Variants in BTAF1 observed in about 807,000 individuals in gnomAD.
The protein encoded by BTAF1 is TATA-binding protein-associated factor 172.
In BTAF1, 38 loss-of-function variants were observed where a neutral mutation model predicts 227.1. That is an observed-to-expected ratio of 0.17 (90% CI 0.13 to 0.22). The LOEUF is 0.22. Among genes scored for constraint, BTAF1 ranks in the 10% least tolerant of loss-of-function variants. BTAF1 has a pLI of 1.00. For missense variants in BTAF1, 1,598 were observed against 2,204.0 expected (o/e 0.73, Z 5.51); for synonymous variants, 742 against 751.9 (o/e 0.99, Z 0.21).
chr10:91,993,833 A>G lies in BTAF1; in HGVS notation c.3185A>G (p.Asp1062Gly). The change falls in exon 22 of 38, where the codon GAC becomes GGC. Residue 1062 changes from aspartate (D) to glycine (G), a missense_variant. By Grantham distance (94) the Asp-to-Gly change is moderately conservative. Transcript: ENST00000265990. ...AMVGPLRNTI[D>G]INNFDGKSLL... is the part of the protein sequence containing the mutation. ...GTTGGCCCATTGAGGAATACAATCG[A>G]CATAAATAATTTTGGTATACACATA... 1 of 1,594,484 alleles carries G rather than the reference A, an allele frequency of 6.3e-7. No homozygotes were observed.
intron 4 of BTAF1, among the ~76,000 whole-genome samples, chr10:91,943,262 C>T (rs1406483940): frequency 4.0e-5 from 6 of 151,652 alleles, no homozygotes; most frequent in African/African-American, 9.7e-5. Flanking sequence ...TGCAGTGAGC[C>T]GAGATCACAC....
intron 5 of BTAF1, among the ~76,000 whole-genome samples, chr10:91,952,458 C>G (rs191628350): frequency 7.2e-4 from 109 of 152,278 alleles, no homozygotes; most frequent in African/African-American, 2.5e-3. Context: ...TATTACATCT[C>G]AAGCGGTTCA....
chr10:91,946,075 T>G (rs11186761), intron 4 of BTAF1, among the ~76,000 whole-genome samples: 41,626 of 152,182 alleles, frequency 0.27, 6,955 homozygotes, highest in Non-Finnish European at 0.38. Flanking sequence ...TTGATGGACA[T>G]TTGGGTTGTT....
chr10:92,018,694 A>G, intron 33 of BTAF1, 89 bp from the exon 34 acceptor site: 1 of 1,223,218 alleles, frequency 8.2e-7, no homozygotes, highest in Non-Finnish European at 1.1e-6. Context: ...TCTAAACAGC[A>G]TAGGAAATAG....
intron 23 of BTAF1, 93 bp downstream of exon 23, chr10:91,994,737 A>G (rs1367546264): frequency 6.9e-6 from 7 of 1,009,634 alleles, no homozygotes; most frequent in Non-Finnish European, 1.0e-5. Flanking sequence ...CTTTGATGTC[A>G]TCCTTATTAA....
intron 35 of BTAF1, among the ~76,000 whole-genome samples, chr10:92,025,302 T>TA (rs1851420364): frequency 6.6e-6 from 1 of 152,116 alleles, no homozygotes; most frequent in African/African-American, 2.4e-5. Flanking sequence ...GTGGCTTAGC[T>TA]AAAATCTCCA....
At chr10:92,000,756 G>A (rs1236712227) in intron 25 of BTAF1, among the ~76,000 whole-genome samples, 1 of 152,172 alleles carries the variant, frequency 6.6e-6, no homozygotes, top group Non-Finnish European at 1.5e-5. Flanking sequence ...GTTTCACCAT[G>A]TTGGCCAGGC....
chr10:91,939,425 C>T (rs1844849283), intron 2 of BTAF1, among the ~76,000 whole-genome samples: 1 of 152,122 alleles, frequency 6.6e-6, no homozygotes, highest in Non-Finnish European at 1.5e-5. Context: ...TGCACTTAAA[C>T]ATTCTTTTAT....
intron 34 of BTAF1, among the ~76,000 whole-genome samples, 163 bp from the exon 35 acceptor site, chr10:92,024,593 T>C (rs951489936): frequency 9.9e-5 from 15 of 152,106 alleles, no homozygotes; most frequent in Non-Finnish European, 1.5e-5. Flanking sequence ...AAAAACTAGT[T>C]CAGTGTGCTG....
In BTAF1 at chr10:91,948,534, G is replaced by A. The variant is rs187673019; in HGVS notation, c.401-2869G>A. Among the ~76,000 whole-genome samples the A allele has an allele frequency of 3.7e-3, 556 of 150,260 alleles. 2 individuals are homozygous for A. Among genetic ancestry groups the A allele is most frequent in the Non-Finnish European group, 4.3e-3 (291 of 67,574 alleles). ...TAGGACCACAGGCACGTGCCACCACGCCTGGCTAATTTTTTATTTTTTTTT... is the reference window on the plus strand; with the variant it reads ...TAGGACCACAGGCACGTGCCACCACACCTGGCTAATTTTTTATTTTTTTTT... On this transcript the variant is annotated intron_variant, in intron 4 of 37. Transcript: ENST00000265990.
In BTAF1 at chr10:92,029,683, TATATA is replaced by T. The variant is rs957658086; in HGVS notation, c.*756_*760del. 21 of 152,124 alleles carry T rather than the reference TATATA, an allele frequency of 1.4e-4. No individual in the cohort carries two copies. The highest frequency in any genetic ancestry group is 4.1e-4 in the South Asian group (2 of 4,824). 9.4% of individuals were successfully genotyped at this position (152,124 alleles called of 1,614,324 possible). On this transcript the variant is annotated 3_prime_UTR_variant, in exon 38 of 38. Transcript: ENST00000265990. ...ATGTACTCAATAGGTTTCAATCATATATATAATATATTTTTTGTAACTATGAACAT... is the reference window on the plus strand; with the variant it reads ...ATGTACTCAATAGGTTTCAATCATATATATATTTTTTGTAACTATGAACAT...
At chr10:91,946,593 C>T (rs1334937175) in intron 4 of BTAF1, among the ~76,000 whole-genome samples, 1 of 152,094 alleles carries the variant, frequency 6.6e-6, no homozygotes, top group Non-Finnish European at 1.5e-5. Flanking sequence ...TTGATTATAG[C>T]TGTACTAATG....
intron 5 of BTAF1, among the ~76,000 whole-genome samples, chr10:91,953,048 T>C (rs1210547186): frequency 6.6e-6 from 1 of 152,164 alleles, no homozygotes; most frequent in Non-Finnish European, 1.5e-5. Context: ...TTGCCATAGG[T>C]CATTACAGCT....
chr10:91,948,631 C>G (rs1845551845), intron 4 of BTAF1, among the ~76,000 whole-genome samples: 1 of 151,496 alleles, frequency 6.6e-6, no homozygotes. Context: ...ATTCTCCCAC[C>G]TTGGCCTCCC....
At chr10:92,021,408 C>T (rs984287025) in intron 34 of BTAF1, among the ~76,000 whole-genome samples, 5 of 152,022 alleles carry the variant, frequency 3.3e-5, no homozygotes, top group South Asian at 2.1e-4. Context: ...ACTATAAGAA[C>T]GGTGTGAATT....
chr10:92,024,619 C>A (rs912813738), intron 34 of BTAF1, 137 bp from the exon 35 acceptor site: 3 of 708,232 alleles, frequency 4.2e-6, no homozygotes, highest in Non-Finnish European at 6.9e-6. Flanking sequence ...TGACAGATTG[C>A]AGCCCAAAGT....
chr10:91,947,973 CTT>C (rs1359518674), intron 4 of BTAF1, among the ~76,000 whole-genome samples: 1 of 151,380 alleles, frequency 6.6e-6, no homozygotes, highest in East Asian at 1.9e-4. Context: ...TCTTTTTTCT[CTT>C]TGTTCTTTAG....
chr10:91,976,819 A>G (rs963098840), intron 14 of BTAF1, among the ~76,000 whole-genome samples: 2 of 152,180 alleles, frequency 1.3e-5, no homozygotes, highest in African/African-American at 4.8e-5. Flanking sequence ...AATTTTCTAG[A>G]TAGTGGTAAG....
chr10:91,985,411 C>A (rs1279359266), intron 19 of BTAF1, among the ~76,000 whole-genome samples: 1 of 152,008 alleles, frequency 6.6e-6, no homozygotes, highest in East Asian at 1.9e-4. Flanking sequence ...TTGGCTGTTA[C>A]CACTTTTTGT....
Sources: allele counts gnomAD v4.1 joint callset (sites outside exome capture counted in the v4.1 genomes callset), GRCh38; gene constraint gnomAD v4.1.1; transcripts MANE v1.5; gene names NCBI Gene and HGNC (gene_info 2026-07-23, HGNC 2026-07-21).